WDR70: variants seen among roughly 807,000 people sequenced by gnomAD.
WDR70 encodes the protein WD repeat-containing protein 70.
WDR70 carries 53 observed loss-of-function variants against 88.6 expected under a neutral mutation model. The ratio of observed to expected loss-of-function variants is 0.60; its 90% CI spans 0.48 to 0.75. WDR70 has a LOEUF of 0.75. Ranked by LOEUF, WDR70 falls within the 30% of genes least tolerant of loss-of-function variation. The pLI is 0.00. For missense variants in WDR70, 610 were observed against 823.2 expected (o/e 0.74, Z 3.17); for synonymous variants, 280 against 270.0 (o/e 1.04, Z -0.36).
chr5:37,563,881 T>G (rs1305566207), intron 9 of WDR70, among the ~76,000 whole-genome samples: 2 of 122,664 alleles, frequency 1.6e-5, no homozygotes, highest in Non-Finnish European at 3.7e-5. Context: ...GTCTCCTCAC[T>G]TCTCAGACGG....
intron 9 of WDR70, among the ~76,000 whole-genome samples, chr5:37,557,956 T>TACTCTTTTGAATACTCTTCAAAAGTGA (rs1561900797): frequency 6.9e-6 from 1 of 145,032 alleles, no homozygotes; most frequent in Non-Finnish European, 1.6e-5. Flanking sequence ...TTCAAAAGAG[T>TACTCTTTTGAATACTCTTCAAAAGTGA]ATTATGTATA....
In WDR70 at chr5:37,736,109, A is replaced by G. The variant is rs534310478; in HGVS notation, c.1877+9064A>G. Among the ~76,000 whole-genome samples, 6 of 152,270 alleles carry G rather than the reference A, an allele frequency of 3.9e-5. No homozygotes were observed. In the East Asian group the frequency reaches 9.6e-4, roughly 24 times the overall value. ...GAAGATGCTGCTGGAGGGAGAGAAA[A>G]GGAGCTGGCTGGGGAATGGGCAGGA... On this transcript the variant is annotated intron_variant, in intron 17 of 17. Coordinates refer to ENST00000265107, the MANE Select transcript of WDR70 (RefSeq NM_018034.4).
intron 7 of WDR70, among the ~76,000 whole-genome samples, chr5:37,466,604 G>T (rs538722152): frequency 3.3e-4 from 50 of 149,682 alleles, no homozygotes; most frequent in Non-Finnish European, 6.6e-4. Flanking sequence ...TACTCAGGAG[G>T]CTGAGGCAGG....
At chr5:37,401,658 C>T (rs965457508) in intron 5 of WDR70, among the ~76,000 whole-genome samples, 1 of 152,034 alleles carries the variant, frequency 6.6e-6, no homozygotes, top group African/African-American at 2.4e-5. Flanking sequence ...GTGGGGGTCT[C>T]ACCATCTTGG....
intron 10 of WDR70, among the ~76,000 whole-genome samples, chr5:37,688,877 G>A (rs1378804853): frequency 2.6e-5 from 4 of 152,024 alleles, no homozygotes; most frequent in East Asian, 3.9e-4. Flanking sequence ...AAAGCAGAGC[G>A]GGGCATCGCC....
chr5:37,506,067 T>G (rs1740549822), intron 8 of WDR70: 2 of 1,305,728 alleles, frequency 1.5e-6, no homozygotes, highest in Non-Finnish European at 2.2e-6. Flanking sequence ...TCCAGAGAGA[T>G]CACCTCATTC....
intron 9 of WDR70, among the ~76,000 whole-genome samples, chr5:37,522,518 A>G (rs999120882): frequency 6.6e-6 from 1 of 151,656 alleles, no homozygotes; most frequent in African/African-American, 2.4e-5. Flanking sequence ...AGATGGCCCA[A>G]TAGGAACAGC....
intron 7 of WDR70, among the ~76,000 whole-genome samples, chr5:37,474,125 A>G (rs747163567): frequency 3.3e-5 from 5 of 152,142 alleles, no homozygotes; most frequent in Non-Finnish European, 7.4e-5. Flanking sequence ...ATTTTCAAAC[A>G]TTCAGTGGTT....
intron 10 of WDR70, among the ~76,000 whole-genome samples, chr5:37,686,376 T>A (rs12517792): frequency 0.42 from 63,618 of 151,966 alleles, 15,294 homozygotes; most frequent in East Asian, 0.54. Flanking sequence ...TTTGTCAGAC[T>A]GTCAGAGAAG....
chr5:37,709,936 C>T (rs1747460795), intron 13 of WDR70, among the ~76,000 whole-genome samples: 1 of 152,096 alleles, frequency 6.6e-6, no homozygotes, highest in African/African-American at 2.4e-5. Flanking sequence ...CCTACTAAGC[C>T]AGCATCAATA....
At chr5:37,526,088 G>A (rs867631693) in intron 9 of WDR70, among the ~76,000 whole-genome samples, 83 of 152,206 alleles carry the variant, frequency 5.5e-4, no homozygotes, top group Middle Eastern at 6.8e-3. Context: ...TTCTGAAACC[G>A]TTCGAATCAA....
At chr5:37,483,732 CCCCACCTCCCTCCCGGACGGGGCGGCT>C (rs1739753058) in intron 8 of WDR70, among the ~76,000 whole-genome samples, 1 of 150,090 alleles carries the variant, frequency 6.7e-6, no homozygotes, top group African/African-American at 2.5e-5. Context: ...AGGAGGTGCC[CCCCACCTCCCTCCCGGACGGGGCGGCT>C]GGCCGGGCGG....
intron 8 of WDR70, 58 bp downstream of exon 8, chr5:37,480,045 A>G: frequency 6.5e-7 from 1 of 1,544,602 alleles, no homozygotes; most frequent in Non-Finnish European, 8.7e-7. Flanking sequence ...ATTAACAACT[A>G]TTTGAGTTAT....
At chr5:37,649,693 T>C (rs997745470) in intron 10 of WDR70, among the ~76,000 whole-genome samples, 3 of 150,992 alleles carry the variant, frequency 2.0e-5, no homozygotes, top group African/African-American at 7.3e-5. Context: ...AAGCACTTTG[T>C]AAACTGTGAA....
chr5:37,670,134 A>G (rs2112591545), intron 10 of WDR70, among the ~76,000 whole-genome samples: 1 of 152,252 alleles, frequency 6.6e-6, no homozygotes, highest in South Asian at 2.1e-4. Context: ...TATACTGAAA[A>G]CGTTGAACTA....
chr5:37,667,297 T>C (rs1745882777), intron 10 of WDR70, among the ~76,000 whole-genome samples: 1 of 152,208 alleles, frequency 6.6e-6, no homozygotes, highest in Non-Finnish European at 1.5e-5. Context: ...GTTTTCTTGT[T>C]TGTAAAATGA....
At chr5:37,729,356 T>C (rs1748076704) in intron 17 of WDR70, among the ~76,000 whole-genome samples, 1 of 151,422 alleles carries the variant, frequency 6.6e-6, no homozygotes, top group African/African-American at 2.4e-5. Context: ...GTATGCATAC[T>C]AAGCTACCCA....
chr5:37,568,403 A>G (rs1400593744), intron 9 of WDR70, among the ~76,000 whole-genome samples: 4 of 152,204 alleles, frequency 2.6e-5, no homozygotes, highest in African/African-American at 9.6e-5. Context: ...GAATCCTTTC[A>G]CCAGTAATTC....
intron 7 of WDR70, chr5:37,479,611 T>C (rs1739595805): frequency 2.6e-6 from 1 of 388,910 alleles, no homozygotes; most frequent in African/African-American, 2.0e-5. Flanking sequence ...CCTCAGGTGA[T>C]CCATCTGCCT....
Sources: gnomAD v4.1 joint callset for allele counts (sites outside exome capture counted in the v4.1 genomes callset) on GRCh38, gnomAD v4.1.1 for gene constraint, MANE v1.5 for transcripts, NCBI Gene and HGNC (gene_info 2026-07-23, HGNC 2026-07-21) for gene names.